The following NPY variants were observed in gnomAD, a reference collection of about 807,000 sequenced individuals.
NPY encodes the protein pro-neuropeptide Y.
In NPY, 11 loss-of-function variants were observed where a neutral mutation model predicts 13.2. That is an observed-to-expected ratio of 0.83 (90% CI 0.52 to 1.38). The LOEUF (loss-of-function observed/expected upper bound fraction) is 1.38, where lower values mean the gene tolerates loss of function less well. Ranked by LOEUF, NPY falls within the 40% of genes most tolerant of loss-of-function variation. The pLI, the probability that NPY is intolerant of heterozygous loss-of-function variation, is 0.00. For missense variants in NPY, 109 were observed against 125.1 expected, an observed-to-expected ratio of 0.87 and a Z score of 0.61; for synonymous variants, 51 against 55.6, an observed-to-expected ratio of 0.92 and a Z score of 0.37.
intron 3 of NPY, 77 bp from the exon 4 acceptor site, chr7:24,291,586 C>T: frequency 6.5e-7 from 1 of 1,533,718 alleles, no homozygotes; most frequent in East Asian, 2.2e-5. Flanking sequence ...CACTTCAGAT[C>T]TAAATGTCTC....
rs1370203813 is a variant in NPY, at chr7:24,285,455, G to A, written c.188+27G>A. The stretch of plus-strand genomic sequence containing the variant: ...TGGGTGGGACCGCGGGACCGATTCC[G>A]GGAGCGCCAGTGCCTGCACACCAGG... On this transcript the variant is annotated intron_variant, in intron 2 of 3. Transcript: ENST00000242152. The surrounding 1 kb of genome is among the most constrained non-coding windows in gnomAD (Gnocchi z 4.9). 4.4e-6 allele frequency: 7 copies of A among 1,600,864 alleles called. No homozygotes were observed. Among genetic ancestry groups the A allele is most frequent in the African/African-American group, 1.3e-5 (1 of 74,690 alleles).
rs774310758 is a variant in NPY at position 24,290,383 on chromosome 7, G to A, written c.269+804G>A. 8.1e-4 allele frequency among the ~76,000 whole-genome samples: 123 copies of A among 152,182 alleles called. 1 individual carries two copies. The highest frequency in any genetic ancestry group is 2.6e-3 in the African/African-American group (110 of 41,524). On this transcript the variant is annotated intron_variant, in intron 3 of 3. Coordinates refer to ENST00000242152, the MANE Select transcript of NPY (RefSeq NM_000905.4). The stretch of plus-strand genomic sequence containing the variant: ...ATCATAGTTCACAGGGTCCACCCAC[G>A]TCTGTGGCAGCTTGGCTGCCTTAAA...
intron 1 of NPY, chr7:24,284,751 C>T (rs1303501316): frequency 5.9e-6 from 1 of 168,716 alleles, no homozygotes; most frequent in Non-Finnish European, 1.3e-5. Context: ...AATTCTGGCC[C>T]AGGGAGCAAT....
At chr7:24,290,977 A>G (rs930981308) in intron 3 of NPY, among the ~76,000 whole-genome samples, 42 of 152,110 alleles carry the variant, frequency 2.8e-4, no homozygotes, top group African/African-American at 9.9e-4. Flanking sequence ...ATGTCTTTCC[A>G]TGTTTCACTG....
At chr7:24,286,115 T>C (rs1418395977) in intron 2 of NPY, among the ~76,000 whole-genome samples, 1 of 152,266 alleles carries the variant, frequency 6.6e-6, no homozygotes, top group Non-Finnish European at 1.5e-5. Context: ...AAGTGCCCAC[T>C]TGGTATTTCA....
chr7:24,290,775 A>ATTATTATTATTATTATTATTATT (rs1554351567), intron 3 of NPY, among the ~76,000 whole-genome samples: 13 of 129,634 alleles, frequency 1.0e-4, no homozygotes, highest in African/African-American at 3.8e-4. Context: ...TAATAATAAT[A>ATTATTATTATTATTATTATTATT]ATTATTATTA....
In NPY at chr7:24,285,205, C is replaced by T; in HGVS notation, c.1-36C>T. The T allele has an allele frequency of 6.2e-7, 1 of 1,611,648 alleles. No individual in the cohort carries two copies. The highest frequency in any genetic ancestry group is 8.5e-7 in the Non-Finnish European group (1 of 1,178,220). On this transcript the variant is annotated intron_variant, in intron 1 of 3. Coordinates refer to ENST00000242152, the MANE Select transcript of NPY (RefSeq NM_000905.4). This position sits in a 1 kb window ranked among gnomAD's most constrained non-coding sequence, Gnocchi z 4.9. Reference sequence around the variant, plus strand: ...GGTGCTGCGCGTGGGTGCTCTGAATCCCCAAGCCCGTCCGTTGAGCCTTCT... The same window carrying T: ...GGTGCTGCGCGTGGGTGCTCTGAATTCCCAAGCCCGTCCGTTGAGCCTTCT...
At chr7:24,289,632 G>C in intron 3 of NPY, 53 bp downstream of exon 3, 2 of 1,455,304 alleles carry the variant, frequency 1.4e-6, no homozygotes, top group Non-Finnish European at 1.9e-6. Flanking sequence ...GGTGCCCAGG[G>C]GAGGGAAGTC....
chr7:24,284,923 T>G (rs923868545), intron 1 of NPY: 3 of 444,354 alleles, frequency 6.8e-6, no homozygotes, highest in African/African-American at 6.0e-5. Context: ...AGGAAGAACT[T>G]CCAATTCGGT....
chr7:24,287,985 G>T (rs1273316861), intron 2 of NPY, among the ~76,000 whole-genome samples: 2 of 152,154 alleles, frequency 1.3e-5, no homozygotes, highest in East Asian at 3.8e-4. Context: ...TTTACTCTAA[G>T]GACTCAATCT....
intron 2 of NPY, among the ~76,000 whole-genome samples, chr7:24,288,687 GAAAAAA>G (rs59946765): frequency 1.1e-4 from 10 of 89,042 alleles, no homozygotes; most frequent in East Asian, 3.3e-4. Context: ...TGCTACAGGA[GAAAAAA>G]AAAAAAAAAA....
At position 24,285,443 on chromosome 7, in the gene NPY, G is replaced by T; in HGVS notation, c.188+15G>T. On this transcript the variant is annotated intron_variant, in intron 2 of 3. Coordinates refer to ENST00000242152, the MANE Select transcript of NPY (RefSeq NM_000905.4). This position sits in a 1 kb window ranked among gnomAD's most constrained non-coding sequence, Gnocchi z 4.9. ...ACCAGGCAGAGGTGGGTGGGACCGC[G>T]GGACCGATTCCGGGAGCGCCAGTGC... is the stretch of plus-strand genomic sequence containing the variant. 1 of 1,605,338 alleles carries T rather than the reference G, an allele frequency of 6.2e-7. No individual in the cohort carries two copies. Among genetic ancestry groups the T allele is most frequent in the South Asian group, 1.1e-5 (1 of 90,642 alleles).
chr7:24,284,395 C>G (rs1253234516), intron 1 of NPY, 120 bp downstream of exon 1: 1 of 152,572 alleles, frequency 6.6e-6, no homozygotes, highest in Non-Finnish European at 1.5e-5. Flanking sequence ...CGCTCCACTC[C>G]CCAGCGGACT....
At position 24,285,736 on chromosome 7, in the gene NPY, C is replaced by A. The variant is rs1216932938; in HGVS notation, c.188+308C>A. On this transcript the variant is annotated intron_variant, in intron 2 of 3. Coordinates refer to ENST00000242152, the MANE Select transcript of NPY (RefSeq NM_000905.4). This position sits in a 1 kb window ranked among gnomAD's most constrained non-coding sequence, Gnocchi z 4.9. The stretch of plus-strand genomic sequence containing the variant: ...TGTTGTGGTTCTTACGGCAGTGGGG[C>A]CCGGTCCAGAAATCTCGAAAGTACC... 1.3e-5 allele frequency among the ~76,000 whole-genome samples: 2 copies of A among 152,020 alleles called. No homozygotes were observed. Among genetic ancestry groups the A allele is most frequent in the African/African-American group, 4.8e-5 (2 of 41,380 alleles).
chr7:24,289,319 AAAT>A (rs1407693447), intron 2 of NPY, among the ~76,000 whole-genome samples, 177 bp from the exon 3 acceptor site: 4 of 152,176 alleles, frequency 2.6e-5, no homozygotes, highest in African/African-American at 7.2e-5. Context: ...AAATAATTTG[AAAT>A]AATATTTATG....
intron 2 of NPY, among the ~76,000 whole-genome samples, chr7:24,288,881 G>C (rs138533922): frequency 1.1e-4 from 17 of 152,258 alleles, no homozygotes; most frequent in Admixed American, 9.2e-4. Context: ...ATTTGCATGC[G>C]TGTATCACTT....
In NPY at chr7:24,285,067, A is replaced by G. The variant is rs185043846; in HGVS notation, c.1-174A>G. On this transcript the variant is annotated intron_variant, in intron 1 of 3. Coordinates refer to ENST00000242152, the MANE Select transcript of NPY (RefSeq NM_000905.4). The surrounding 1 kb of genome is among the most constrained non-coding windows in gnomAD (Gnocchi z 4.9). ...CAGGTCCCGACCGGACGGCGCCCGG[A>G]GCCCGCAAGGTGGTGCTAGCCACTC... 3.2e-3 allele frequency: 2,116 copies of G among 663,480 alleles called. 51 individuals are homozygous for G. The Admixed American group carries it at 0.033, about 10-fold the overall frequency. The allele number at this position is 663,480 out of a possible 1,614,324, so 41.1% of individuals were successfully genotyped here. A position where few individuals can be genotyped will look rare whatever the true frequency, so the allele number is the denominator to read the frequency against.
At chr7:24,291,625 C>G in intron 3 of NPY, 38 bp from the exon 4 acceptor site, 1 of 1,613,500 alleles carries the variant, frequency 6.2e-7, no homozygotes, top group African/African-American at 1.3e-5. Flanking sequence ...GGAAGTTGGG[C>G]AGCTTTCCTT....
Position 24,285,562 on chromosome 7 carries a change from A to G in NPY, c.188+134A>G. The G allele has an allele frequency of 1.1e-6, 1 of 871,548 alleles. No homozygotes were observed. The highest frequency in any genetic ancestry group is 1.7e-5 in the South Asian group (1 of 57,408). 54.0% of individuals were successfully genotyped at this position (871,548 alleles called of 1,614,324 possible). On this transcript the variant is annotated intron_variant, in intron 2 of 3. Coordinates refer to ENST00000242152, the MANE Select transcript of NPY (RefSeq NM_000905.4). The surrounding 1 kb of genome is among the most constrained non-coding windows in gnomAD (Gnocchi z 4.9). ...GCAGGACAGTATCAGGCACTTAGTC[A>G]GCTCTAGGTAAATGTTTGTACAGGG...
Sources: gnomAD v4.1 joint callset for allele counts (sites outside exome capture counted in the v4.1 genomes callset) on GRCh38, gnomAD v4.1.1 for gene constraint, Gnocchi (gnomAD v3.1) non-coding constraint, MANE v1.5 for transcripts, NCBI Gene and HGNC (gene_info 2026-07-23, HGNC 2026-07-21) for gene names.